The following DCHS2 variants were observed in gnomAD, a reference collection of about 807,000 sequenced individuals.
The protein encoded by DCHS2 is dachsous cadherin-related 2.
DCHS2 carries 142 observed loss-of-function variants against 182.4 expected under a neutral mutation model. That is an observed-to-expected ratio of 0.78 (90% CI 0.68 to 0.89). The LOEUF is 0.89. DCHS2 is among the 40% of genes least tolerant of loss of function. DCHS2 has a pLI of 0.00. For missense variants in DCHS2, 4,319 were observed against 4,198.6 expected (o/e 1.03, Z -0.79); for synonymous variants, 1,740 against 1,663.3 (o/e 1.05, Z -1.12).
In DCHS2 at chr4:154,321,276, T is replaced by A. The variant is rs143597833; in HGVS notation, c.4177-54A>T. ...TTGGGGTATTTTTAAAACAGTTTAA[T>A]GAATAAATGTAATAATATTATTTTG... On this transcript the variant is annotated intron_variant, in intron 8 of 19. Transcript: ENST00000357232. 537 of 1,406,664 alleles carry A rather than the reference T, an allele frequency of 3.8e-4. 2 individuals carry two copies. The African/African-American group carries it at 6.8e-3, about 18-fold the overall frequency. The allele number at this position is 1,406,664 out of a possible 1,614,324, so 87.1% of individuals were successfully genotyped here.
intron 13 of DCHS2, among the ~76,000 whole-genome samples, chr4:154,289,584 C>T (rs1226353693): frequency 6.6e-6 from 1 of 151,980 alleles, no homozygotes; most frequent in Non-Finnish European, 1.5e-5. Flanking sequence ...CAAACTCATT[C>T]TACCAGGTCA....
intron 1 of DCHS2, among the ~76,000 whole-genome samples, chr4:154,411,890 T>C (rs1426097507): frequency 6.6e-6 from 1 of 152,204 alleles, no homozygotes; most frequent in Non-Finnish European, 1.5e-5. Flanking sequence ...GTTTTATTTA[T>C]AGAAATAAAG....
rs34664853 is a variant in DCHS2 at position 154,266,655 on chromosome 4, C to CAAA, written c.6577+3242_6577+3244dup. Among the ~76,000 whole-genome samples the CAAA allele has an allele frequency of 7.3e-5, 10 of 137,152 alleles. No individual in the cohort carries two copies. The South Asian group carries it at 1.2e-3, about 17-fold the overall frequency. 90.0% of individuals were successfully genotyped at this position (137,152 alleles called of 152,430 possible). On this transcript the variant is annotated intron_variant, in intron 14 of 19. Coordinates refer to ENST00000357232, the MANE Select transcript of DCHS2 (RefSeq NM_001358235.2). ...TGGGCAACAGAGCAAGGCTCCGTCT[C>CAAA]AAAAAAAAAAAAAAAAGAAAGCTTG...
intron 1 of DCHS2, among the ~76,000 whole-genome samples, chr4:154,430,845 C>T (rs528149356): frequency 6.6e-6 from 1 of 152,274 alleles, no homozygotes; most frequent in East Asian, 1.9e-4. Context: ...ACCCTGTGGC[C>T]CTGCAGAGCC....
chr4:154,386,789 T>A (rs1216211798), intron 1 of DCHS2, among the ~76,000 whole-genome samples: 1 of 152,200 alleles, frequency 6.6e-6, no homozygotes, highest in Non-Finnish European at 1.5e-5. Context: ...TTATGACTAT[T>A]CTCTCTATTT....
At chr4:154,373,658 T>C (rs1487162418) in intron 2 of DCHS2, among the ~76,000 whole-genome samples, 1 of 48,368 alleles carries the variant, frequency 2.1e-5, no homozygotes, top group Non-Finnish European at 4.8e-5. Flanking sequence ...CGTTTTCACA[T>C]AAACCTACTT....
At chr4:154,309,052 T>C (rs1336225845) in intron 10 of DCHS2, among the ~76,000 whole-genome samples, 1 of 152,206 alleles carries the variant, frequency 6.6e-6, no homozygotes, top group African/African-American at 2.4e-5. Flanking sequence ...TTCCAACCTC[T>C]TTTCATGGAC....
chr4:154,374,287 A>G (rs1730788825), intron 2 of DCHS2: 1 of 243,104 alleles, frequency 4.1e-6, no homozygotes, highest in Non-Finnish European at 7.9e-6. Flanking sequence ...TTTAGATCAC[A>G]GTGGACAGCA....
rs1561049500 is a variant in DCHS2, at chr4:154,333,107, AC to A, written c.3100del (p.Val1034CysfsTer18). The A allele has an allele frequency of 3.1e-6, 5 of 1,613,984 alleles. No individual in the cohort carries two copies. Among genetic ancestry groups the A allele is most frequent in the Non-Finnish European group, 4.2e-6 (5 of 1,180,020 alleles). On this transcript the variant is annotated frameshift_variant, in exon 5 of 20. Coordinates refer to ENST00000357232, the MANE Select transcript of DCHS2 (RefSeq NM_001358235.2). LOFTEE classifies it high-confidence loss of function. ...GCCCAGGCTGCCGTTGAGGAACAGC[AC>A]CCCCAGGGCTCTGTCGATGGCAAAG... Reference protein sequence around the residue: ...GVFAIDRALGVLFLNGSLGAG... With the variant: ...GVFAIDRALGXLFLNGSLGAG...
chr4:154,298,382 C>A lies in DCHS2; in HGVS notation c.5932G>T (p.Gly1978Cys). 1 of 1,614,116 alleles carries A rather than the reference C, an allele frequency of 6.2e-7. No homozygotes were observed. ...TEYFLTDEASGAFTIDPMSGT... is the reference protein window; with the variant it reads ...TEYFLTDEASCAFTIDPMSGT... ...GACATAGGATCAATGGTGAATGCAC[C>A]AGAAGCCTCATCAGTCAGAAAATAC... The change falls in exon 13 of 20, where the codon GGT becomes TGT. Residue 1978 changes from glycine to cysteine, a missense_variant. Physicochemically the swap from Gly to Cys is radical, Grantham distance 159. Transcript: ENST00000357232.
chr4:154,272,180 G>T lies in DCHS2; in HGVS notation c.6464-2167C>A, dbSNP rs539305739. On this transcript the variant is annotated intron_variant, in intron 13 of 19. Transcript: ENST00000357232. Reference sequence around the variant, plus strand: ...TTCATTTACCTAGGGATGGGCATTTGAATTATTTCCAGTTTTTGGCTATTA... The same window carrying T: ...TTCATTTACCTAGGGATGGGCATTTTAATTATTTCCAGTTTTTGGCTATTA... The T allele has an allele frequency of 3.3e-5, 5 of 152,138 alleles. No homozygotes were observed. The East Asian group carries it at 9.6e-4, about 29-fold the overall frequency. The allele number at this position is 152,138 out of a possible 1,614,324, so 9.4% of individuals were successfully genotyped here.
chr4:154,453,039 C>T (rs958831364), intron 1 of DCHS2, among the ~76,000 whole-genome samples: 1 of 152,050 alleles, frequency 6.6e-6, no homozygotes, highest in African/African-American at 2.4e-5. Context: ...AAGCTCACAG[C>T]GAGGTGTAAG....
intron 13 of DCHS2, among the ~76,000 whole-genome samples, chr4:154,270,239 G>A (rs568343033): frequency 3.9e-4 from 59 of 152,262 alleles, no homozygotes; most frequent in African/African-American, 1.2e-3. Flanking sequence ...ATTAACTTGT[G>A]TAAGGAGACA....
In DCHS2 at chr4:154,236,371, C is replaced by G; in HGVS notation, c.8281G>C (p.Asp2761His). 6.2e-7 allele frequency: 1 copy of G among 1,614,070 alleles called. No homozygotes were observed. Among genetic ancestry groups the G allele is most frequent in the East Asian group, 2.2e-5 (1 of 44,842 alleles). ...SFAVVFVSVL[D>H]DNDHAPQFMF... ...AACTGAGGTGCATGGTCGTTATCATCCAGGACACTGACAAACACAACTGCA... is the reference window on the plus strand; with the variant it reads ...AACTGAGGTGCATGGTCGTTATCATGCAGGACACTGACAAACACAACTGCA... Residue 2761 changes from aspartate (D) to histidine (H), a missense_variant, in exon 20 of 20, where the codon GAT becomes CAT. Physicochemically the swap from Asp to His is moderately conservative, Grantham distance 81. Coordinates refer to ENST00000357232, the MANE Select transcript of DCHS2 (RefSeq NM_001358235.2).
chr4:154,275,144 C>T (rs959155694), intron 13 of DCHS2, among the ~76,000 whole-genome samples: 1 of 151,760 alleles, frequency 6.6e-6, no homozygotes, highest in Non-Finnish European at 1.5e-5. Context: ...CCTTTCAATG[C>T]CTAACACTCA....
At chr4:154,420,242 C>CAGAT (rs1203718158) in intron 1 of DCHS2, among the ~76,000 whole-genome samples, 16 of 134,940 alleles carry the variant, frequency 1.2e-4, no homozygotes, top group African/African-American at 4.6e-4. Context: ...GGGAGACAGA[C>CAGAT]AGACAGATAG....
chr4:154,386,906 T>C (rs1731447551), intron 1 of DCHS2, among the ~76,000 whole-genome samples: 1 of 152,210 alleles, frequency 6.6e-6, no homozygotes, highest in Admixed American at 6.5e-5. Context: ...AACGAAGCTA[T>C]ATTATCATAC....
At chr4:154,352,803 T>G (rs1729682602) in intron 3 of DCHS2, among the ~76,000 whole-genome samples, 1 of 152,194 alleles carries the variant, frequency 6.6e-6, no homozygotes, top group East Asian at 1.9e-4. Context: ...TCTCAGGACA[T>G]TCGCAAAATC....
chr4:154,343,699 GA>G, intron 3 of DCHS2: 1 of 1,330,476 alleles, frequency 7.5e-7, no homozygotes, highest in Non-Finnish European at 9.7e-7. Flanking sequence ...TGGCTTAAGG[GA>G]ATGATGTGGC....
Sources: gnomAD v4.1 joint callset for allele counts (sites outside exome capture counted in the v4.1 genomes callset) on GRCh38, gnomAD v4.1.1 for gene constraint, MANE v1.5 for transcripts, NCBI Gene and HGNC (gene_info 2026-07-23, HGNC 2026-07-21) for gene names.